The following INTS4 variants were observed in gnomAD, a reference collection of about 807,000 sequenced individuals.
INTS4 encodes the protein integrator complex subunit 4.
Under a neutral mutation model 119.5 loss-of-function variants are expected in INTS4, and 70 were observed. The observed-to-expected ratio is 0.59, with a 90% CI of 0.48 to 0.71. The LOEUF (loss-of-function observed/expected upper bound fraction) is 0.71, where lower values mean the gene tolerates loss of function less well. Ranked by LOEUF, INTS4 falls within the 30% of genes least tolerant of loss-of-function variation. The pLI is 0.00. For synonymous variants in INTS4, 316 were observed against 419.6 expected (o/e 0.75, Z 3.02); for missense variants, 867 against 1,173.2 (o/e 0.74, Z 3.81).
At chr11:77,974,705 G>A (rs758314624) in intron 4 of INTS4, among the ~76,000 whole-genome samples, 7 of 150,184 alleles carry the variant, frequency 4.7e-5, no homozygotes, top group Non-Finnish European at 8.9e-5. Flanking sequence ...CAGGCACAGC[G>A]ATCCTCCCAT....
At chr11:77,969,305 C>A (rs761243859) in intron 4 of INTS4, among the ~76,000 whole-genome samples, 3 of 152,008 alleles carry the variant, frequency 2.0e-5, no homozygotes, top group African/African-American at 7.2e-5. Context: ...AGAAAACGTA[C>A]GCAATTCTCC....
chr11:77,931,465 G>C (rs1318266519), intron 10 of INTS4, among the ~76,000 whole-genome samples: 1 of 152,114 alleles, frequency 6.6e-6, no homozygotes, highest in Non-Finnish European at 1.5e-5. Flanking sequence ...AAGTTAATTT[G>C]ATTACATCTT....
chr11:77,880,906 A>C (rs1951765862), intron 22 of INTS4, among the ~76,000 whole-genome samples: 1 of 152,218 alleles, frequency 6.6e-6, no homozygotes, highest in Non-Finnish European at 1.5e-5. Flanking sequence ...CCTGGGCAAC[A>C]GAAGGAAACC....
intron 4 of INTS4, among the ~76,000 whole-genome samples, chr11:77,968,635 T>C (rs1018113783): frequency 3.3e-5 from 5 of 152,224 alleles, no homozygotes; most frequent in Admixed American, 6.5e-5. Flanking sequence ...TTAAAATGGT[T>C]GACATGGTAA....
chr11:77,981,190 C>CAAAAAAAAAAAAAAAAAAAGG (rs1856201480), intron 3 of INTS4, among the ~76,000 whole-genome samples: 1 of 88,862 alleles, frequency 1.1e-5, no homozygotes, highest in Non-Finnish European at 2.3e-5. Context: ...AACAAACAAG[C>CAAAAAAAAAAAAAAAAAAAGG]AAAAAAAAAA....
chr11:77,877,971 G>T (rs774723748), downstream of INTS4, among the ~76,000 whole-genome samples: 1 of 152,046 alleles, frequency 6.6e-6, no homozygotes, highest in African/African-American at 2.4e-5. Context: ...CTGGACCCCT[G>T]TTTCCCATAA....
At chr11:77,906,585 C>T (rs1481721922) in intron 16 of INTS4, among the ~76,000 whole-genome samples, 1 of 152,182 alleles carries the variant, frequency 6.6e-6, no homozygotes, top group Admixed American at 6.5e-5. Flanking sequence ...AAATGTTCTA[C>T]GACTTGCCTA....
intron 4 of INTS4, among the ~76,000 whole-genome samples, chr11:77,962,544 A>T (rs1187711270): frequency 6.6e-6 from 1 of 152,222 alleles, no homozygotes; most frequent in African/African-American, 2.4e-5. Context: ...AAATGAGGTA[A>T]TAAAAATGGT....
chr11:77,923,951 G>A (rs1373265872), intron 12 of INTS4, among the ~76,000 whole-genome samples: 1 of 150,370 alleles, frequency 6.7e-6, no homozygotes, highest in Non-Finnish European at 1.5e-5. Flanking sequence ...TTTTAGTAGA[G>A]ATGAGGTTTC....
At chr11:77,922,944 C>A in intron 12 of INTS4, 1 of 196,158 alleles carries the variant, frequency 5.1e-6, no homozygotes, top group Non-Finnish European at 1.1e-5. Context: ...TTTTGCAAAT[C>A]AAAAGAGCAA....
intron 8 of INTS4, among the ~76,000 whole-genome samples, chr11:77,947,110 G>GAA (rs1163583874): frequency 7.2e-6 from 1 of 138,610 alleles, no homozygotes; most frequent in African/African-American, 2.7e-5. Flanking sequence ...CCATTAAGAG[G>GAA]AAAAAAAAAA....
intron 15 of INTS4, among the ~76,000 whole-genome samples, chr11:77,914,833 C>T (rs1232690611): frequency 6.6e-6 from 1 of 152,154 alleles, no homozygotes; most frequent in Non-Finnish European, 1.5e-5. Flanking sequence ...CACAGGCACA[C>T]AATAAATATC....
At chr11:77,973,487 G>C (rs539611503) in intron 4 of INTS4, among the ~76,000 whole-genome samples, 38 of 151,768 alleles carry the variant, frequency 2.5e-4, no homozygotes, top group African/African-American at 8.5e-4. Context: ...TATTTGTTTT[G>C]TTTCTCATTT....
chr11:77,950,966 G>T (rs1350602143), intron 8 of INTS4, among the ~76,000 whole-genome samples: 1 of 148,034 alleles, frequency 6.8e-6, no homozygotes, highest in Non-Finnish European at 1.5e-5. Flanking sequence ...AGTGAGAACA[G>T]GCGGTGTTTG....
intron 20 of INTS4, 39 bp from the exon 21 acceptor site, chr11:77,891,501 G>T (rs763342548): frequency 2.5e-6 from 4 of 1,609,938 alleles, no homozygotes; most frequent in Non-Finnish European, 3.4e-6. Flanking sequence ...TTAAAGCCAG[G>T]TCATTCCTGG....
intron 8 of INTS4, among the ~76,000 whole-genome samples, chr11:77,952,340 T>TC (rs1272917223): frequency 6.6e-6 from 1 of 152,242 alleles, no homozygotes; most frequent in Non-Finnish European, 1.5e-5. Flanking sequence ...ATCTGTGTGG[T>TC]CTCAGACAAA....
At chr11:77,920,194 T>C (rs1408082632) in intron 14 of INTS4, among the ~76,000 whole-genome samples, 5 of 138,806 alleles carry the variant, frequency 3.6e-5, no homozygotes, top group African/African-American at 1.1e-4. Flanking sequence ...CACATATATA[T>C]ACATATATAT....
chr11:77,941,282 A>C, intron 8 of INTS4, 31 bp from the exon 9 acceptor site: 9 of 1,587,400 alleles, frequency 5.7e-6, no homozygotes, highest in Non-Finnish European at 7.7e-6. Context: ...AGCATATAAA[A>C]CAACTTTTAT....
chr11:77,972,257 C>T (rs182516102), intron 4 of INTS4, among the ~76,000 whole-genome samples: 4 of 152,158 alleles, frequency 2.6e-5, no homozygotes, highest in South Asian at 2.1e-4. Flanking sequence ...CACCACCATT[C>T]GTGGCTAGTT....
Sources: allele counts gnomAD v4.1 joint callset (sites outside exome capture counted in the v4.1 genomes callset), GRCh38; gene constraint gnomAD v4.1.1; transcripts MANE v1.5; gene names NCBI Gene and HGNC (gene_info 2026-07-23, HGNC 2026-07-21).